The following SNCAIP variants were observed in gnomAD, a reference collection of about 807,000 sequenced individuals.
SNCAIP encodes synphilin-1.
Under a neutral mutation model 86.7 loss-of-function variants are expected in SNCAIP, and 43 were observed. The observed-to-expected ratio is 0.50, with a 90% confidence interval of 0.39 to 0.64. The LOEUF is 0.64. Ranked by LOEUF, SNCAIP falls within the 30% of genes least tolerant of loss-of-function variation. The probability of loss-of-function intolerance (pLI) is 0.00; values close to 1 mark genes in which losing one functional copy is unlikely to be tolerated. For synonymous variants in SNCAIP, 417 were observed against 427.2 expected (o/e 0.98, Z 0.29); for missense variants, 981 against 1,103.1 (o/e 0.89, Z 1.57).
intron 1 of SNCAIP, among the ~76,000 whole-genome samples, chr5:122,342,101 T>G (rs957938631): frequency 2.6e-5 from 4 of 152,174 alleles, no homozygotes; most frequent in Non-Finnish European, 5.9e-5. Flanking sequence ...CAGCTGCCCA[T>G]TCTCTCACTG....
intron 1 of SNCAIP, among the ~76,000 whole-genome samples, chr5:122,368,684 G>A (rs1416466242): frequency 6.6e-6 from 1 of 152,162 alleles, no homozygotes; most frequent in South Asian, 2.1e-4. Context: ...AGAGTGGCCT[G>A]GAGCTCTTAT....
At chr5:122,391,038 G>A in intron 1 of SNCAIP, 51 bp from the exon 2 acceptor site, 1 of 962,940 alleles carries the variant, frequency 1.0e-6, no homozygotes. Context: ...ATTTTTGGTT[G>A]TAAAACGGCT....
intron 10 of SNCAIP, among the ~76,000 whole-genome samples, chr5:122,453,616 G>A (rs772848705): frequency 1.3e-4 from 20 of 152,134 alleles, no homozygotes; most frequent in African/African-American, 1.9e-4. Context: ...GGAGAGAATC[G>A]AGTCCCCAGT....
At chr5:122,336,054 A>C (rs970436017) in intron 1 of SNCAIP, among the ~76,000 whole-genome samples, 25 of 152,328 alleles carry the variant, frequency 1.6e-4, no homozygotes, top group African/African-American at 5.3e-4. Context: ...ATTAAGACTT[A>C]ACTTATATAG....
At chr5:122,333,129 T>C (rs890066889) in intron 1 of SNCAIP, among the ~76,000 whole-genome samples, 1 of 152,130 alleles carries the variant, frequency 6.6e-6, no homozygotes, top group Non-Finnish European at 1.5e-5. Context: ...GATTAAGCAA[T>C]GTGGCACAAA....
At chr5:122,427,819 A>G (rs999662098) in intron 5 of SNCAIP, among the ~76,000 whole-genome samples, 2 of 152,182 alleles carry the variant, frequency 1.3e-5, no homozygotes, top group African/African-American at 4.8e-5. Context: ...AGTCAGGGAT[A>G]AGGTATCAAA....
chr5:122,338,527 G>T (rs1379770773), intron 1 of SNCAIP, among the ~76,000 whole-genome samples: 1 of 152,092 alleles, frequency 6.6e-6, no homozygotes, highest in Non-Finnish European at 1.5e-5. Context: ...TATTAAAATG[G>T]TCACAGAACT....
Position 122,451,497 on chromosome 5 carries a change from G to A in SNCAIP, c.2650G>A (p.Ala884Thr). The A allele has an allele frequency of 6.2e-7, 1 of 1,613,858 alleles. No homozygotes were observed. Among genetic ancestry groups the A allele is most frequent in the Admixed American group, 1.7e-5 (1 of 60,024 alleles). ...AAACAATAATAATAACTACCAGGCA[G>A]CCAACCAGCTGAAAACCTCTACATT... ...NQNNNNNYQA[A>T]NQLKTSTLPL... is the part of the protein sequence containing the mutation. Residue 884 changes from alanine to threonine, a missense_variant, in exon 10 of 11, where the codon GCC becomes ACC. Physicochemically the swap from Ala to Thr is moderately conservative, Grantham distance 58. Coordinates refer to ENST00000261368, the MANE Select transcript of SNCAIP (RefSeq NM_005460.4).
intron 1 of SNCAIP, among the ~76,000 whole-genome samples, chr5:122,383,125 C>T (rs1339483095): frequency 5.3e-5 from 8 of 152,172 alleles, no homozygotes; most frequent in East Asian, 1.9e-4. Context: ...CAATGGCAGG[C>T]GCCCCTCCCC....
intron 3 of SNCAIP, among the ~76,000 whole-genome samples, chr5:122,404,889 GT>G (rs1208410898): frequency 2.6e-5 from 4 of 152,234 alleles, no homozygotes; most frequent in East Asian, 1.9e-4. Context: ...TTATCTTGGT[GT>G]TTTTTTGTGT....
intron 3 of SNCAIP, among the ~76,000 whole-genome samples, chr5:122,414,202 C>T (rs373006335): frequency 6.6e-6 from 1 of 152,080 alleles, no homozygotes; most frequent in Admixed American, 6.6e-5. Flanking sequence ...AGCCAGTGCG[C>T]CCAGCCAAGA....
chr5:122,413,899 G>GT (rs540531676), intron 3 of SNCAIP, among the ~76,000 whole-genome samples: 63 of 152,218 alleles, frequency 4.1e-4, no homozygotes, highest in Non-Finnish European at 7.2e-4. Context: ...TTTAAGAAAG[G>GT]TTGGGGGATT....
chr5:122,314,328 C>CA (rs1231200833), intron 1 of SNCAIP, among the ~76,000 whole-genome samples: 4 of 152,314 alleles, frequency 2.6e-5, no homozygotes, highest in African/African-American at 9.6e-5. Flanking sequence ...CATTTCTTGT[C>CA]AAAAGAGGAA....
At chr5:122,457,630 C>G (rs978355181) in intron 10 of SNCAIP, among the ~76,000 whole-genome samples, 4 of 152,156 alleles carry the variant, frequency 2.6e-5, no homozygotes, top group Admixed American at 2.0e-4. Context: ...TCTCTCTTTC[C>G]TGCCTCCTCA....
At chr5:122,360,675 G>A (rs1002719283) in intron 1 of SNCAIP, among the ~76,000 whole-genome samples, 5 of 152,136 alleles carry the variant, frequency 3.3e-5, no homozygotes, top group African/African-American at 9.7e-5. Flanking sequence ...AAAACCACCT[G>A]GCACAGGGTA....
At chr5:122,326,605 C>CTT (rs1491240086) in intron 1 of SNCAIP, among the ~76,000 whole-genome samples, 31 of 102,424 alleles carry the variant, frequency 3.0e-4, no homozygotes, top group Admixed American at 1.0e-3. Context: ...AGAAATGTCT[C>CTT]CTTTTTTTTT....
At chr5:122,428,559 T>C (rs1777787434) in intron 5 of SNCAIP, among the ~76,000 whole-genome samples, 1 of 149,082 alleles carries the variant, frequency 6.7e-6, no homozygotes, top group Admixed American at 6.9e-5. Flanking sequence ...ATGAAACAAG[T>C]CTCAATAAGT....
At chr5:122,330,129 T>G (rs1447720004) in intron 1 of SNCAIP, among the ~76,000 whole-genome samples, 2 of 133,240 alleles carry the variant, frequency 1.5e-5, no homozygotes, top group Non-Finnish European at 3.3e-5. Context: ...TTTTTTTTTT[T>G]TTTTTTTTTT....
chr5:122,425,623 A>G, intron 5 of SNCAIP, 92 bp downstream of exon 5: 3 of 1,066,302 alleles, frequency 2.8e-6, no homozygotes, highest in Middle Eastern at 2.2e-4. Context: ...AAGGGAGAGA[A>G]GAGAGTGATT....
Sources: allele counts gnomAD v4.1 joint callset (sites outside exome capture counted in the v4.1 genomes callset), GRCh38; gene constraint gnomAD v4.1.1; transcripts MANE v1.5; gene names NCBI Gene and HGNC (gene_info 2026-07-23, HGNC 2026-07-21).